The following ANK3 variants were observed in gnomAD, a reference collection of about 807,000 sequenced individuals.
ANK3 encodes the protein ankyrin-3.
A neutral mutation model predicts 370.9 loss-of-function variants in ANK3; 57 were observed. The ratio of observed to expected loss-of-function variants is 0.15; its 90% CI spans 0.12 to 0.19. ANK3 has a LOEUF of 0.19. ANK3 is among the 10% of genes least tolerant of loss of function. ANK3 has a pLI of 1.00. For synonymous variants in ANK3, 1,929 were observed against 1,946.3 expected, an observed-to-expected ratio of 0.99 and a Z score of 0.23; for missense variants, 4,439 against 5,302.1, an observed-to-expected ratio of 0.84 and a Z score of 5.06.
At chr10:60,490,495 G>A (rs1016156292) in intron 2 of ANK3, among the ~76,000 whole-genome samples, 1 of 152,104 alleles carries the variant, frequency 6.6e-6, no homozygotes, top group African/African-American at 2.4e-5. Context: ...GAAGACTTGG[G>A]TAGACTCAGA....
chr10:60,706,703 T>C (rs2079624369), intron 1 of ANK3, among the ~76,000 whole-genome samples: 1 of 152,042 alleles, frequency 6.6e-6, no homozygotes, highest in Admixed American at 6.6e-5. Flanking sequence ...AAGCTTTACA[T>C]GTTATGAGTA....
Position 60,071,248 on chromosome 10 carries a change from T to C in ANK3, c.9633A>G (p.Glu3211=). The C allele has an allele frequency of 1.2e-6, 2 of 1,614,146 alleles. No homozygotes were observed. The highest frequency in any genetic ancestry group is 1.7e-6 in the Non-Finnish European group (2 of 1,180,010). The change falls in exon 37 of 44, where the codon GAA becomes GAG. Residue 3211 remains glutamate (E), a synonymous_variant. Coordinates refer to ENST00000280772, the MANE Select transcript of ANK3 (RefSeq NM_020987.5). ...PEVSEESEEE[E]QAKSTSLKQT... ...GCTTAAGGGAGGTTGACTTGGCCTG[T>C]TCCTCCTCCTCTGACTCCTCAGAAA...
Position 60,336,090 on chromosome 10 carries a change from C to CGG in ANK3, c.114+53333_114+53334dup, listed in dbSNP as rs112016027. Among the ~76,000 whole-genome samples, 660 of 148,696 alleles carry CGG rather than the reference C, an allele frequency of 4.4e-3. 6 individuals are homozygous for CGG. Among genetic ancestry groups the CGG allele is most frequent in the African/African-American group, 0.016 (629 of 39,306 alleles). On this transcript the variant is annotated intron_variant, in intron 1 of 43. Coordinates refer to ENST00000280772, the MANE Select transcript of ANK3 (RefSeq NM_020987.5). ...TGAGAGGATTTTTAACATAGTTTGG[C>CGG]GGGGGGGGGAAGCTGGTGCCAAGGA...
intron 43 of ANK3, among the ~76,000 whole-genome samples, chr10:60,040,330 A>C (rs531338457): frequency 6.6e-6 from 1 of 152,208 alleles, no homozygotes; most frequent in African/African-American, 2.4e-5. Context: ...TGACTATAAA[A>C]ACTCTCAATA....
chr10:60,491,751 C>G (rs566373626), intron 2 of ANK3, among the ~76,000 whole-genome samples: 2 of 152,258 alleles, frequency 1.3e-5, no homozygotes, highest in East Asian at 3.9e-4. Flanking sequence ...GAGTACTGAT[C>G]TAGGAGCCAG....
Position 60,397,201 on chromosome 10 carries a change from T to TAA in ANK3, c.97-117564_97-117563dup, listed in dbSNP as rs200880865. 3.1e-3 allele frequency among the ~76,000 whole-genome samples: 438 copies of TAA among 139,880 alleles called. 2 individuals carry two copies. Among genetic ancestry groups the TAA allele is most frequent in the Middle Eastern group, 0.011 (3 of 270 alleles). 91.8% of individuals were successfully genotyped at this position (139,880 alleles called of 152,430 possible). ...TAGGAGGTCATACTTATAGTAGGATTAAAAAAAAAAAAAAACTAAACACTA... is the reference window on the plus strand; with the variant it reads ...TAGGAGGTCATACTTATAGTAGGATTAAAAAAAAAAAAAAAAACTAAACACTA... On this transcript the variant is annotated intron_variant, in intron 2 of 43. Coordinates refer to the ANK3 transcript ENST00000373827.
At chr10:60,514,891 T>G (rs2076178613) in intron 2 of ANK3, among the ~76,000 whole-genome samples, 1 of 152,166 alleles carries the variant, frequency 6.6e-6, no homozygotes, top group African/African-American at 2.4e-5. Flanking sequence ...TCTCTCATAT[T>G]TCATATAAAA....
chr10:60,383,697 T>C (rs1017027883), intron 1 of ANK3, among the ~76,000 whole-genome samples: 1 of 152,040 alleles, frequency 6.6e-6, no homozygotes, highest in Non-Finnish European at 1.5e-5. Flanking sequence ...GGAGTCCATA[T>C]ACTCAATGCA....
chr10:60,500,253 C>G (rs1456422516), intron 2 of ANK3, among the ~76,000 whole-genome samples: 1 of 152,104 alleles, frequency 6.6e-6, no homozygotes, highest in Non-Finnish European at 1.5e-5. Flanking sequence ...TAAATTTTCA[C>G]TATAAGAATT....
intron 1 of ANK3, among the ~76,000 whole-genome samples, chr10:60,282,701 G>C (rs552201515): frequency 3.6e-4 from 55 of 152,196 alleles, no homozygotes; most frequent in African/African-American, 1.3e-3. Flanking sequence ...CTCTGAGATA[G>C]CTAATTGACC....
upstream of ANK3, among the ~76,000 whole-genome samples, chr10:60,393,081 T>C (rs1386017151): frequency 6.6e-6 from 1 of 152,228 alleles, no homozygotes; most frequent in Non-Finnish European, 1.5e-5. Context: ...TTCCAAAATG[T>C]AGTACAGAGA....
At chr10:60,235,288 C>T (rs998658249) in intron 7 of ANK3, among the ~76,000 whole-genome samples, 2 of 152,170 alleles carry the variant, frequency 1.3e-5, no homozygotes, top group Non-Finnish European at 2.9e-5. Context: ...TACATAGTCA[C>T]ATAACATCCC....
chr10:60,273,734 TG>T (rs200263390), intron 4 of ANK3, among the ~76,000 whole-genome samples: 3,016 of 151,986 alleles, frequency 0.02, 36 homozygotes, highest in South Asian at 0.033. Context: ...AATTGAATCA[TG>T]GGGGGGGTTT....
At chr10:60,415,247 A>T (rs572106588) in intron 2 of ANK3, among the ~76,000 whole-genome samples, 1 of 152,280 alleles carries the variant, frequency 6.6e-6, no homozygotes, top group East Asian at 1.9e-4. Context: ...GGACTTGTGG[A>T]AGGAGCATCA....
chr10:60,592,487 T>A (rs2077929729), intron 2 of ANK3, among the ~76,000 whole-genome samples: 1 of 152,182 alleles, frequency 6.6e-6, no homozygotes, highest in Admixed American at 6.6e-5. Context: ...TGGCTGGGCA[T>A]GGTAGCTCAC....
intron 42 of ANK3, among the ~76,000 whole-genome samples, chr10:60,052,435 G>T (rs192587644): frequency 6.6e-6 from 1 of 152,104 alleles, no homozygotes; most frequent in Non-Finnish European, 1.5e-5. Context: ...CACATAACTG[G>T]TACTGAGAAA....
chr10:60,457,406 T>C (rs2064775701), intron 2 of ANK3, among the ~76,000 whole-genome samples: 1 of 152,178 alleles, frequency 6.6e-6, no homozygotes, highest in Non-Finnish European at 1.5e-5. Flanking sequence ...ATAAAGGCTC[T>C]GCCAGTTCTG....
intron 23 of ANK3, among the ~76,000 whole-genome samples, chr10:60,161,045 T>G (rs2095486013): frequency 6.6e-6 from 1 of 152,102 alleles, no homozygotes; most frequent in South Asian, 2.1e-4. Context: ...GCCAGAGCAA[T>G]TAGACATGAG....
At chr10:60,163,346 G>T (rs1047715553) in intron 23 of ANK3, among the ~76,000 whole-genome samples, 2 of 152,124 alleles carry the variant, frequency 1.3e-5, no homozygotes, top group African/African-American at 4.8e-5. Context: ...GCTCTGCTTA[G>T]CCCCCACCTG....
Sources: allele counts gnomAD v4.1 joint callset (sites outside exome capture counted in the v4.1 genomes callset), GRCh38; gene constraint gnomAD v4.1.1; transcripts MANE v1.5; gene names NCBI Gene and HGNC (gene_info 2026-07-23, HGNC 2026-07-21).